RGS12: variants seen among roughly 807,000 people sequenced by gnomAD.
The protein encoded by RGS12 is regulator of G protein signaling 12.
In RGS12, 66 loss-of-function variants were observed where a neutral mutation model predicts 120.1. That is an observed-to-expected ratio of 0.55 (90% CI 0.45 to 0.67). The LOEUF (loss-of-function observed/expected upper bound fraction) is 0.67, where lower values mean the gene tolerates loss of function less well. Among genes scored for constraint, RGS12 ranks in the 30% least tolerant of loss-of-function variants. The pLI is 0.00. For synonymous variants in RGS12, 827 were observed against 804.7 expected (o/e 1.03, Z -0.47); for missense variants, 1,859 against 1,957.7 (o/e 0.95, Z 0.95).
Position 3,422,366 on chromosome 4 carries a change from T to G in RGS12, c.2839-10T>G, listed in dbSNP as rs1577086358. 2 of 1,607,244 alleles carry G rather than the reference T, an allele frequency of 1.2e-6. No individual in the cohort carries two copies. Among genetic ancestry groups the G allele is most frequent in the East Asian group, 4.5e-5 (2 of 44,680 alleles). On this transcript the variant is annotated splice_polypyrimidine_tract_variant and intron_variant, in intron 10 of 17. Transcript: ENST00000336727. The stretch of plus-strand genomic sequence containing the variant: ...GTTCCCTCACGGCTGCTTGTCTCGC[T>G]GCTCCCCAGTCGGAGGCCTGCAGGA...
At chr4:3,291,581 C>T (rs578060971), upstream of RGS12, among the ~76,000 whole-genome samples, 109 of 152,210 alleles carry the variant, frequency 7.2e-4, 1 homozygote, top group Admixed American at 2.1e-3. Context: ...TCCTGAGCTC[C>T]GGCGATCTGT....
Position 3,430,530 on chromosome 4 carries a change from C to T in RGS12, c.3689C>T (p.Thr1230Ile), listed in dbSNP as rs775846479. 5 of 1,613,502 alleles carry T rather than the reference C, an allele frequency of 3.1e-6. No homozygotes were observed. Among genetic ancestry groups the T allele is most frequent in the Admixed American group, 3.3e-5 (2 of 60,020 alleles). ...LRLPPGSTELTLPTPAAVAKG... is the reference protein window; with the variant it reads ...LRLPPGSTELILPTPAAVAKG... ...TTACCTCCTGGTTCCACAGAACTCA[C>T]CCTCCCCACTCCAGCTGCTGTGGCC... Residue 1230 changes from threonine to isoleucine, a missense_variant, in exon 17 of 18, where the codon ACC (threonine) becomes ATC (isoleucine). Around this residue, in one of 3 missense-constraint regions of RGS12, gnomAD observed 517 missense variants for 488.5 expected, o/e 1.06. Coordinates refer to ENST00000336727, the MANE Select transcript of RGS12 (RefSeq NM_001394154.1).
intron 13 of RGS12, among the ~76,000 whole-genome samples, chr4:3,424,257 T>G (rs1328672222): frequency 1.3e-5 from 2 of 152,280 alleles, no homozygotes; most frequent in South Asian, 2.1e-4. Context: ...CTGCCTAGTC[T>G]TCTTTCCTTG....
chr4:3,343,071 TTTC>T lies in RGS12; in HGVS notation c.1998+24_1998+26del. The T allele has an allele frequency of 6.4e-7, 1 of 1,554,986 alleles. No homozygotes were observed. Among genetic ancestry groups the T allele is most frequent in the South Asian group, 1.1e-5 (1 of 89,358 alleles). On this transcript the variant is annotated intron_variant, in intron 3 of 17. Coordinates refer to ENST00000336727, the MANE Select transcript of RGS12 (RefSeq NM_001394154.1). ...ATCTTGAGGTAATTTAATTTTCATT[TTTC>T]TTCTTTTCTCCTTCAAGTTTTAAAA... is the stretch of plus-strand genomic sequence containing the variant.
At chr4:3,304,420 G>A (rs895000637) in intron 1 of RGS12, among the ~76,000 whole-genome samples, 2 of 152,210 alleles carry the variant, frequency 1.3e-5, no homozygotes, top group African/African-American at 2.4e-5. Context: ...GTTTTTGTTA[G>A]TGGAAACGTG....
chr4:3,294,837 G>GT (rs1723274997), intron 1 of RGS12, among the ~76,000 whole-genome samples: 1 of 152,232 alleles, frequency 6.6e-6, no homozygotes, highest in South Asian at 2.1e-4. Flanking sequence ...CAGGGCAGTG[G>GT]TGACCGGAGG....
At chr4:3,359,740 A>T (rs1187427969) in intron 3 of RGS12, among the ~76,000 whole-genome samples, 1 of 150,428 alleles carries the variant, frequency 6.6e-6, no homozygotes, top group Non-Finnish European at 1.5e-5. Flanking sequence ...CTCCCACCTC[A>T]GCCCCCTGAG....
At chr4:3,381,843 G>A (rs1398299248) in intron 3 of RGS12, among the ~76,000 whole-genome samples, 1 of 152,188 alleles carries the variant, frequency 6.6e-6, no homozygotes, top group Admixed American at 6.5e-5. Flanking sequence ...TTCCTGACAA[G>A]ATTACTTAAT....
At chr4:3,342,832 C>G in intron 2 of RGS12, 105 bp from the exon 3 acceptor site, 2 of 813,462 alleles carry the variant, frequency 2.5e-6, no homozygotes, top group Non-Finnish European at 4.1e-6. Context: ...TTTAAAAAGT[C>G]TTTGTTCCAC....
intron 17 of RGS12, among the ~76,000 whole-genome samples, chr4:3,436,324 C>T (rs1041380005): frequency 1.2e-4 from 19 of 152,156 alleles, no homozygotes; most frequent in African/African-American, 2.9e-4. Flanking sequence ...CCCTTCCTGC[C>T]GTGTTCTCAG....
rs1307563745 is a variant in RGS12 at position 3,390,122 on chromosome 4, A to G, written c.2020+3685A>G. ...GCACTGGACCCCTCCACCAGCTCAGAGCCCCTGTTCCCCCAACCATCCTGC... is the reference window on the plus strand; with the variant it reads ...GCACTGGACCCCTCCACCAGCTCAGGGCCCCTGTTCCCCCAACCATCCTGC... On this transcript the variant is annotated intron_variant, in intron 4 of 17. Coordinates refer to ENST00000336727, the MANE Select transcript of RGS12 (RefSeq NM_001394154.1). The surrounding 1 kb of genome is among the most constrained non-coding windows in gnomAD (Gnocchi z 4.6). 6.6e-6 allele frequency among the ~76,000 whole-genome samples: 1 copy of G among 152,118 alleles called. No individual in the cohort carries two copies. The highest frequency in any genetic ancestry group is 1.9e-4 in the East Asian group (1 of 5,198).
intron 1 of RGS12, among the ~76,000 whole-genome samples, chr4:3,298,545 G>A (rs1421460104): frequency 6.6e-6 from 1 of 152,096 alleles, no homozygotes; most frequent in Non-Finnish European, 1.5e-5. Context: ...TTTTTTCATA[G>A]TCTCGTCATG....
intron 3 of RGS12, among the ~76,000 whole-genome samples, chr4:3,346,397 T>C (rs1365700261): frequency 1.3e-5 from 2 of 152,216 alleles, no homozygotes; most frequent in Non-Finnish European, 2.9e-5. Flanking sequence ...TGGACTCTTA[T>C]TCCAGTGCCT....
At chr4:3,417,699 G>A (rs1298812195) in intron 9 of RGS12, 158 bp downstream of exon 9, 7 of 731,090 alleles carry the variant, frequency 9.6e-6, no homozygotes, top group East Asian at 5.5e-5. Context: ...AAGGAATGCC[G>A]CTGTGTCTGG....
At chr4:3,423,412 G>A in intron 12 of RGS12, 103 bp from the exon 13 acceptor site, 2 of 1,475,584 alleles carry the variant, frequency 1.4e-6, no homozygotes, top group East Asian at 2.3e-5. Context: ...GCACACCGAG[G>A]CCTTGAGGGC....
chr4:3,338,416 G>C (rs1277963712), intron 2 of RGS12, among the ~76,000 whole-genome samples: 1 of 152,246 alleles, frequency 6.6e-6, no homozygotes, highest in African/African-American at 2.4e-5. Context: ...AGGGGTTAAG[G>C]TTCTACCCTT....
At chr4:3,343,317 G>T in intron 3 of RGS12, 2 of 384,002 alleles carry the variant, frequency 5.2e-6, no homozygotes, top group Non-Finnish European at 4.8e-6. Flanking sequence ...AAATGAGCTG[G>T]TTTAATCCCC....
chr4:3,395,511 G>T (rs1719964705), intron 4 of RGS12, among the ~76,000 whole-genome samples: 1 of 152,178 alleles, frequency 6.6e-6, no homozygotes, highest in Non-Finnish European at 1.5e-5. Context: ...TTCACCTATA[G>T]TAAATACTGC....
intron 4 of RGS12, among the ~76,000 whole-genome samples, chr4:3,396,542 T>A (rs1270608187): frequency 1.3e-5 from 2 of 152,242 alleles, no homozygotes; most frequent in Non-Finnish European, 2.9e-5. Flanking sequence ...TCCTTCCCAA[T>A]AACTTGAAGC....
Sources: gnomAD v4.1 joint callset for allele counts (sites outside exome capture counted in the v4.1 genomes callset) on GRCh38, gnomAD v4.1.1 for gene constraint, gnomAD v4.1.1 regional missense constraint, Gnocchi (gnomAD v3.1) non-coding constraint, MANE v1.5 for transcripts, NCBI Gene and HGNC (gene_info 2026-07-23, HGNC 2026-07-21) for gene names.